SLC36A4: variants seen among roughly 807,000 people sequenced by gnomAD.
The protein encoded by SLC36A4 is neutral amino acid uniporter 4.
SLC36A4 carries 49 observed loss-of-function variants against 50.5 expected under a neutral mutation model. The ratio of observed to expected loss-of-function variants is 0.97; its 90% CI spans 0.77 to 1.23. The LOEUF (loss-of-function observed/expected upper bound fraction) is 1.23. Ranked by LOEUF, SLC36A4 falls within the 50% of genes most tolerant of loss-of-function variation. The pLI, the probability that SLC36A4 is intolerant of heterozygous loss-of-function variation, is 0.00. For missense variants in SLC36A4, 611 were observed against 608.4 expected, an observed-to-expected ratio of 1.00 and a Z score of -0.05; for synonymous variants, 207 against 206.5, an observed-to-expected ratio of 1.00 and a Z score of -0.02.
At chr11:93,149,362 G>A (rs972459907) in intron 10 of SLC36A4, among the ~76,000 whole-genome samples, 1 of 151,932 alleles carries the variant, frequency 6.6e-6, no homozygotes, top group African/African-American at 2.4e-5. Context: ...AAATTAGTGG[G>A]CAAAAACTGG....
At chr11:93,176,315 A>C (rs1861468373) in intron 6 of SLC36A4, among the ~76,000 whole-genome samples, 1 of 150,354 alleles carries the variant, frequency 6.7e-6, no homozygotes, top group African/African-American at 2.4e-5. Flanking sequence ...ATCTTCCTCC[A>C]TCCTTTTATT....
intron 9 of SLC36A4, chr11:93,160,719 CT>C (rs1290957347): frequency 1.0e-6 from 1 of 984,894 alleles, no homozygotes; most frequent in Non-Finnish European, 1.2e-6. Context: ...TCCTTACATG[CT>C]TTTGTAAATA....
At chr11:93,179,428 T>A (rs1861638861) in intron 6 of SLC36A4, among the ~76,000 whole-genome samples, 1 of 152,152 alleles carries the variant, frequency 6.6e-6, no homozygotes, top group African/African-American at 2.4e-5. Flanking sequence ...TAAAAAGTTA[T>A]ACAGAAGCCA....
At chr11:93,168,923 A>G (rs1861007571) in intron 6 of SLC36A4, among the ~76,000 whole-genome samples, 1 of 152,110 alleles carries the variant, frequency 6.6e-6, no homozygotes, top group Non-Finnish European at 1.5e-5. Flanking sequence ...CTCTGATCCA[A>G]TTAATCACAT....
intron 6 of SLC36A4, among the ~76,000 whole-genome samples, chr11:93,177,354 C>G (rs939847149): frequency 6.6e-6 from 1 of 152,080 alleles, no homozygotes; most frequent in Non-Finnish European, 1.5e-5. Context: ...TTTGTGTAAT[C>G]TTTTTTCAAG....
chr11:93,157,823 T>G (rs1726228906), intron 9 of SLC36A4, among the ~76,000 whole-genome samples: 2 of 152,244 alleles, frequency 1.3e-5, no homozygotes, highest in Admixed American at 1.3e-4. Flanking sequence ...AGGGATAGTT[T>G]GCAGATCTTG....
intron 7 of SLC36A4, chr11:93,167,353 T>C (rs575247892): frequency 1.3e-5 from 2 of 152,218 alleles, no homozygotes; most frequent in East Asian, 3.9e-4. Context: ...CATACATACA[T>C]ACAGAAATAC....
At chr11:93,164,849 T>A (rs892494031) in intron 8 of SLC36A4, among the ~76,000 whole-genome samples, 1 of 152,108 alleles carries the variant, frequency 6.6e-6, no homozygotes, top group African/African-American at 2.4e-5. Context: ...GTAAAAGGAA[T>A]CACTCCAGTG....
At chr11:93,164,815 T>C (rs1358944116) in intron 8 of SLC36A4, among the ~76,000 whole-genome samples, 1 of 152,148 alleles carries the variant, frequency 6.6e-6, no homozygotes, top group Non-Finnish European at 1.5e-5. Context: ...TAATTATTGA[T>C]TGAAATAGAG....
intron 9 of SLC36A4, chr11:93,155,005 T>G (rs1172187530): frequency 6.6e-6 from 1 of 152,132 alleles, no homozygotes; most frequent in Non-Finnish European, 1.5e-5. Flanking sequence ...AAACTTCGCA[T>G]GCATGTCTTG....
intron 9 of SLC36A4, among the ~76,000 whole-genome samples, chr11:93,157,927 G>A (rs1322425780): frequency 1.3e-5 from 2 of 152,150 alleles, no homozygotes; most frequent in African/African-American, 4.8e-5. Flanking sequence ...AGTGGTGAGA[G>A]TAATAAGGAT....
chr11:93,170,545 G>A (rs889526151), intron 6 of SLC36A4, among the ~76,000 whole-genome samples: 1 of 152,026 alleles, frequency 6.6e-6, no homozygotes, highest in Non-Finnish European at 1.5e-5. Flanking sequence ...AGGGATAAGG[G>A]GGGTTTGCCC....
At chr11:93,194,941 C>A (rs964802109) in intron 1 of SLC36A4, among the ~76,000 whole-genome samples, 9 of 152,096 alleles carry the variant, frequency 5.9e-5, no homozygotes, top group African/African-American at 2.2e-4. Context: ...GCCTGCTATT[C>A]CTGCAACTTT....
In SLC36A4 at chr11:93,168,174, A is replaced by AC. The variant is rs748618542; in HGVS notation, c.541-4dup. 5 of 1,574,366 alleles carry AC rather than the reference A, an allele frequency of 3.2e-6. No homozygotes were observed. Among genetic ancestry groups the AC allele is most frequent in the Non-Finnish European group, 4.3e-6 (5 of 1,154,494 alleles). On this transcript the variant is annotated splice_polypyrimidine_tract_variant and splice_region_variant and intron_variant, in intron 6 of 10. Coordinates refer to ENST00000326402, the MANE Select transcript of SLC36A4 (RefSeq NM_152313.4). ...CTCTCCAGGAATCCTTCATGAACCT[A>AC]CATAGGATTACCAGGAGAATAAAGA...
intron 10 of SLC36A4, among the ~76,000 whole-genome samples, chr11:93,150,127 G>A (rs560717307): frequency 3.9e-5 from 6 of 152,044 alleles, no homozygotes; most frequent in East Asian, 3.9e-4. Context: ...TGTCCTTAAC[G>A]GTTTTGTTAA....
intron 1 of SLC36A4, among the ~76,000 whole-genome samples, chr11:93,187,402 A>G (rs1253188001): frequency 6.6e-6 from 1 of 152,150 alleles, no homozygotes; most frequent in Non-Finnish European, 1.5e-5. Flanking sequence ...CTTGGATAAT[A>G]GCTTTAAATA....
At chr11:93,170,077 AAAAAT>A (rs1861059751) in intron 6 of SLC36A4, 3 of 152,200 alleles carry the variant, frequency 2.0e-5, no homozygotes, top group African/African-American at 7.2e-5. Flanking sequence ...CTGAGGATTA[AAAAAT>A]AAAATAAAAT....
intron 1 of SLC36A4, chr11:93,197,573 C>T (rs1862482011): frequency 5.2e-6 from 3 of 582,244 alleles, no homozygotes; most frequent in Non-Finnish European, 8.9e-6. Context: ...CATATTTTAA[C>T]GCCCTATTCA....
chr11:93,170,110 C>A (rs1861060896), intron 6 of SLC36A4: 1 of 152,000 alleles, frequency 6.6e-6, no homozygotes, highest in African/African-American at 2.4e-5. Context: ...TAGATACATA[C>A]CTAGAGCAAG....
Sources: allele counts gnomAD v4.1 joint callset (sites outside exome capture counted in the v4.1 genomes callset), GRCh38; gene constraint gnomAD v4.1.1; transcripts MANE v1.5; gene names NCBI Gene and HGNC (gene_info 2026-07-23, HGNC 2026-07-21).